LMBR1: variants seen among roughly 807,000 people sequenced by gnomAD.
LMBR1 encodes limb region 1 protein homolog.
A neutral mutation model predicts 73.9 loss-of-function variants in LMBR1; 52 were observed. The ratio of observed to expected loss-of-function variants is 0.70; its 90% CI spans 0.56 to 0.89. LMBR1 has a LOEUF of 0.89. Among genes scored for constraint, LMBR1 ranks in the 40% least tolerant of loss-of-function variants. The pLI, the probability that LMBR1 is intolerant of heterozygous loss-of-function variation, is 0.00. For synonymous variants in LMBR1, 215 were observed against 209.4 expected (o/e 1.03, Z -0.23); for missense variants, 539 against 579.8 (o/e 0.93, Z 0.72).
intron 1 of LMBR1, among the ~76,000 whole-genome samples, chr7:156,886,798 G>A (rs1344346321): frequency 6.6e-6 from 1 of 152,182 alleles, no homozygotes; most frequent in East Asian, 1.9e-4. Context: ...CCTACATTTT[G>A]TTCACAGTTG....
intron 3 of LMBR1, among the ~76,000 whole-genome samples, chr7:156,833,003 A>T (rs1193059027): frequency 2.6e-5 from 4 of 152,208 alleles, no homozygotes; most frequent in Non-Finnish European, 5.9e-5. Flanking sequence ...TGTCTATGCT[A>T]ATTTCACTAT....
rs756397931 is a variant in LMBR1 at position 156,678,331 on chromosome 7, G to A, written c.*5747C>T. On this transcript the variant is annotated 3_prime_UTR_variant, in exon 17 of 17. Transcript: ENST00000353442. ...GGGTCGCGAAAATCCCATGAGTTCTGAGGAATGGTCCAGGGCAGCCTGTGA... is the reference window on the plus strand; with the variant it reads ...GGGTCGCGAAAATCCCATGAGTTCTAAGGAATGGTCCAGGGCAGCCTGTGA... The A allele has an allele frequency of 1.3e-5, 2 of 152,204 alleles. No homozygotes were observed. The highest frequency in any genetic ancestry group is 2.4e-5 in the African/African-American group (1 of 41,426). 9.4% of individuals were successfully genotyped at this position (152,204 alleles called of 1,614,324 possible). A position where few individuals can be genotyped will look rare whatever the true frequency, so the allele number is the denominator to read the frequency against.
intron 9 of LMBR1, among the ~76,000 whole-genome samples, chr7:156,749,478 C>T (rs1374691756): frequency 6.6e-6 from 1 of 152,110 alleles, no homozygotes; most frequent in East Asian, 1.9e-4. Flanking sequence ...TTATAAACAG[C>T]AAAATTCAAG....
rs1802721920 is a variant in LMBR1 at position 156,672,325 on chromosome 7, T to C, written n.867-3038A>G. On this transcript the variant is annotated intron_variant and non_coding_transcript_variant, in intron 4 of 4. Transcript: ENST00000430825. ...CAGGTGCAAAACCCTTTAAAAACCC[T>C]GGATGCTATTACCAGCGTTAAGAAC... 2.0e-5 allele frequency among the ~76,000 whole-genome samples: 3 copies of C among 152,266 alleles called. No individual in the cohort carries two copies. In the South Asian group the frequency reaches 6.2e-4, roughly 32 times the overall value.
chr7:156,717,543 T>C (rs1471240507), intron 15 of LMBR1, among the ~76,000 whole-genome samples: 2 of 152,052 alleles, frequency 1.3e-5, no homozygotes, highest in Non-Finnish European at 2.9e-5. Context: ...ACAGACAAGA[T>C]GTGGGGGGTG....
chr7:156,681,250 C>T lies in LMBR1; in HGVS notation c.*2828G>A, dbSNP rs938642022. 22 of 431,470 alleles carry T rather than the reference C, an allele frequency of 5.1e-5. No individual in the cohort carries two copies. The highest frequency in any genetic ancestry group is 8.3e-5 in the South Asian group (5 of 60,456). 26.7% of individuals were successfully genotyped at this position (431,470 alleles called of 1,614,324 possible). The stretch of plus-strand genomic sequence containing the variant: ...ATGGGCACCCAGCAGATGGGGAGGC[C>T]GCACTGCCGCTGAGAGCAGGTACAC... On this transcript the variant is annotated 3_prime_UTR_variant, in exon 17 of 17. Coordinates refer to ENST00000353442, the MANE Select transcript of LMBR1 (RefSeq NM_022458.4).
intron 5 of LMBR1, among the ~76,000 whole-genome samples, chr7:156,764,512 C>G (rs1025478173): frequency 6.6e-6 from 1 of 152,090 alleles, no homozygotes; most frequent in Non-Finnish European, 1.5e-5. Flanking sequence ...AAAGAAACCG[C>G]TTTTACTCCC....
At chr7:156,776,384 C>A (rs1361625922) in intron 5 of LMBR1, among the ~76,000 whole-genome samples, 1 of 152,130 alleles carries the variant, frequency 6.6e-6, no homozygotes, top group African/African-American at 2.4e-5. Flanking sequence ...TTCACAAGTA[C>A]TTCTTATCAC....
intron 5 of LMBR1, among the ~76,000 whole-genome samples, chr7:156,765,763 C>G (rs1448221451): frequency 6.6e-6 from 1 of 152,138 alleles, no homozygotes; most frequent in African/African-American, 2.4e-5. Context: ...CTGTCTTTCC[C>G]TGCCTCCAAC....
intron 4 of LMBR1, among the ~76,000 whole-genome samples, chr7:156,803,146 C>T (rs1330878610): frequency 1.3e-5 from 2 of 152,110 alleles, no homozygotes; most frequent in Non-Finnish European, 2.9e-5. Context: ...CCAAAATTGA[C>T]AAATGGGATC....
At chr7:156,762,816 T>A (rs372234758) in intron 7 of LMBR1, among the ~76,000 whole-genome samples, 1 of 150,146 alleles carries the variant, frequency 6.7e-6, no homozygotes, top group Non-Finnish European at 1.5e-5. Context: ...AGTATGACTG[T>A]ATATGAGTGT....
At chr7:156,675,684 C>CT, downstream of LMBR1, 2 of 1,599,798 alleles carry the variant, frequency 1.3e-6, no homozygotes. Flanking sequence ...CCCGCCCCCG[C>CT]CTCCTCCTCA....
chr7:156,701,748 G>C (rs1809742494), intron 15 of LMBR1, among the ~76,000 whole-genome samples: 1 of 152,178 alleles, frequency 6.6e-6, no homozygotes, highest in Non-Finnish European at 1.5e-5. Flanking sequence ...CTAGGTGTTA[G>C]ACCCCACATG....
At chr7:156,698,492 T>A (rs1808843657) in intron 15 of LMBR1, among the ~76,000 whole-genome samples, 1 of 152,168 alleles carries the variant, frequency 6.6e-6, no homozygotes, top group Non-Finnish European at 1.5e-5. Flanking sequence ...GGTGTTTCCA[T>A]ACATCTTCTG....
chr7:156,807,616 G>A (rs1172441399), intron 4 of LMBR1, among the ~76,000 whole-genome samples: 1 of 151,738 alleles, frequency 6.6e-6, no homozygotes, highest in Non-Finnish European at 1.5e-5. Context: ...TGTTCTTCTT[G>A]GTGATTTCCT....
intron 12 of LMBR1, 42 bp from the exon 13 acceptor site, chr7:156,725,879 A>G (rs759436278): frequency 2.0e-6 from 3 of 1,469,878 alleles, no homozygotes; most frequent in Admixed American, 1.8e-5. Context: ...TGATGACACC[A>G]TTATATTGGT....
At chr7:156,705,669 C>T (rs548327093) in intron 15 of LMBR1, among the ~76,000 whole-genome samples, 1 of 152,270 alleles carries the variant, frequency 6.6e-6, no homozygotes, top group South Asian at 2.1e-4. Flanking sequence ...TGAAAGAATT[C>T]GTCTCCACTA....
intron 9 of LMBR1, among the ~76,000 whole-genome samples, chr7:156,744,766 G>T (rs549891864): frequency 1.3e-5 from 2 of 152,232 alleles, no homozygotes; most frequent in East Asian, 3.9e-4. Context: ...TAAATTTATT[G>T]TCTTACAGCT....
At chr7:156,805,141 T>C (rs1831776458) in intron 4 of LMBR1, among the ~76,000 whole-genome samples, 1 of 152,038 alleles carries the variant, frequency 6.6e-6, no homozygotes, top group African/African-American at 2.4e-5. Flanking sequence ...CAATTGACAA[T>C]ATATGTATGT....
Sources: allele counts gnomAD v4.1 joint callset (sites outside exome capture counted in the v4.1 genomes callset), GRCh38; gene constraint gnomAD v4.1.1; transcripts MANE v1.5; gene names NCBI Gene and HGNC (gene_info 2026-07-23, HGNC 2026-07-21).